MAP1B: variants seen among roughly 807,000 people sequenced by gnomAD.
The protein encoded by MAP1B is microtubule-associated protein 1B.
Under a neutral mutation model 176.1 loss-of-function variants are expected in MAP1B, and 12 were observed. The ratio of observed to expected loss-of-function variants is 0.07; its 90% CI spans 0.04 to 0.11. The LOEUF (loss-of-function observed/expected upper bound fraction) is 0.11, where lower values mean the gene tolerates loss of function less well. Among genes scored for constraint, MAP1B ranks in the 10% least tolerant of loss-of-function variants. The pLI is 1.00. For synonymous variants in MAP1B, 1,044 were observed against 1,135.0 expected (o/e 0.92, Z 1.61); for missense variants, 2,523 against 2,990.5 (o/e 0.84, Z 3.65).
intron 1 of MAP1B, among the ~76,000 whole-genome samples, chr5:72,109,048 A>T (rs1745244974): frequency 6.6e-6 from 1 of 151,402 alleles, no homozygotes; most frequent in East Asian, 1.9e-4. Flanking sequence ...CTCGTTCCCC[A>T]CTCCCCCTCC....
chr5:72,125,346 GA>G (rs1745608556), intron 2 of MAP1B, among the ~76,000 whole-genome samples: 1 of 152,190 alleles, frequency 6.6e-6, no homozygotes, highest in Non-Finnish European at 1.5e-5. Context: ...ATACATGAGA[GA>G]AAGAGAGAGA....
chr5:72,110,887 T>A (rs1339249306), intron 1 of MAP1B, among the ~76,000 whole-genome samples: 1 of 152,186 alleles, frequency 6.6e-6, no homozygotes, highest in Non-Finnish European at 1.5e-5. Flanking sequence ...CCAATGTGGA[T>A]GCTTCGTAAA....
intron 2 of MAP1B, chr5:72,180,003 A>G (rs1746732634): frequency 1.1e-6 from 1 of 874,332 alleles, no homozygotes. Flanking sequence ...GGCTCCTGCC[A>G]GGGGCCACCT....
intron 4 of MAP1B, among the ~76,000 whole-genome samples, chr5:72,188,027 A>G (rs1433901038): frequency 6.6e-6 from 1 of 152,072 alleles, no homozygotes; most frequent in East Asian, 1.9e-4. Context: ...TTCAAAATGC[A>G]AGCTTTGGCT....
chr5:72,190,253 C>T (rs552680871), intron 4 of MAP1B, among the ~76,000 whole-genome samples: 1 of 152,058 alleles, frequency 6.6e-6, no homozygotes, highest in East Asian at 1.9e-4. Flanking sequence ...TTGAGGGGCT[C>T]GACAATTTAT....
At chr5:72,108,571 G>T (rs143498338) in intron 1 of MAP1B, among the ~76,000 whole-genome samples, 1 of 152,198 alleles carries the variant, frequency 6.6e-6, no homozygotes, top group African/African-American at 2.4e-5. Context: ...GGTACGCCGG[G>T]GACCCTGGGC....
intron 1 of MAP1B, among the ~76,000 whole-genome samples, chr5:72,113,493 A>C (rs192644574): frequency 3.2e-4 from 48 of 152,370 alleles, no homozygotes; most frequent in Admixed American, 2.9e-3. Context: ...TGAAAATATA[A>C]AGCAAACATT....
chr5:72,154,852 C>G (rs1437176949), intron 2 of MAP1B, among the ~76,000 whole-genome samples: 2 of 152,202 alleles, frequency 1.3e-5, no homozygotes, highest in Non-Finnish European at 2.9e-5. Flanking sequence ...TTAATCTCTG[C>G]ACTTCTTCAG....
At chr5:72,166,077 C>T (rs1746422381) in intron 2 of MAP1B, among the ~76,000 whole-genome samples, 3 of 152,188 alleles carry the variant, frequency 2.0e-5, no homozygotes, top group Non-Finnish European at 2.9e-5. Context: ...GGACTTAAAC[C>T]CAGGTCTTCT....
chr5:72,179,570 G>A, intron 2 of MAP1B: 6 of 970,546 alleles, frequency 6.2e-6, no homozygotes, highest in Non-Finnish European at 7.4e-6. Flanking sequence ...AGGAAAGCTG[G>A]CACCCACGGG....
Position 72,196,952 on chromosome 5 carries a change from T to C in MAP1B, c.3597T>C (p.Asp1199=), listed in dbSNP as rs374296149. 1.5e-5 allele frequency: 24 copies of C among 1,614,102 alleles called. No individual in the cohort carries two copies. The highest frequency in any genetic ancestry group is 1.6e-4 in the Middle Eastern group (1 of 6,084). ...GSKTDATDGK[D]YNASASTISP... ...AAACAGATGCCACTGATGGCAAGGA[T>C]TACAATGCTTCAGCCTCTACCATAT... The change falls in exon 5 of 7, where the codon GAT becomes GAC. Residue 1199 remains aspartate (D), a synonymous_variant. Coordinates refer to ENST00000296755, the MANE Select transcript of MAP1B (RefSeq NM_005909.5). This position sits in a 1 kb window ranked among gnomAD's most constrained non-coding sequence, Gnocchi z 5.3.
intron 2 of MAP1B, among the ~76,000 whole-genome samples, chr5:72,130,698 C>A (rs1213855032): frequency 6.6e-6 from 1 of 152,116 alleles, no homozygotes; most frequent in African/African-American, 2.4e-5. Context: ...AGGAATGGAA[C>A]CGGGGGCAGA....
In MAP1B at chr5:72,151,012, G is replaced by A. The variant is rs1746129878; in HGVS notation, c.287-32731G>A. ...TGGTCCATTTTGTGTTGCTATAAAG[G>A]AATACCTGAGGCTGGATTGTTTATG... On this transcript the variant is annotated intron_variant, in intron 2 of 6. Coordinates refer to ENST00000296755, the MANE Select transcript of MAP1B (RefSeq NM_005909.5). Among the ~76,000 whole-genome samples, 4 of 150,300 alleles carry A rather than the reference G, an allele frequency of 2.7e-5. No homozygotes were observed. In the South Asian group the frequency reaches 8.5e-4, roughly 32 times the overall value.
chr5:72,197,518 A>T lies in MAP1B; in HGVS notation c.4163A>T (p.Glu1388Val). The T allele has an allele frequency of 6.2e-7, 1 of 1,614,192 alleles. No homozygotes were observed. The highest frequency in any genetic ancestry group is 1.3e-5 in the African/African-American group (1 of 75,036). Residue 1388 changes from glutamate (E) to valine (V), a missense_variant, in exon 5 of 7, where the codon GAG (glutamate) becomes GTG (valine). By Grantham distance (121) the Glu-to-Val change is moderately radical (BLOSUM62 -2). Coordinates refer to ENST00000296755, the MANE Select transcript of MAP1B (RefSeq NM_005909.5). ...SPMDEPVPDS[E>V]SPIEKVLSPL... ...ATGGATGAGCCCGTGCCTGACTCAG[A>T]GTCTCCTATTGAAAAAGTTTTGTCT... is the stretch of plus-strand genomic sequence containing the variant.
In MAP1B at chr5:72,107,485, G is replaced by A. The variant is rs1411898912; in HGVS notation, c.-47G>A. The A allele has an allele frequency of 1.1e-5, 16 of 1,486,646 alleles. No individual in the cohort carries two copies. The highest frequency in any genetic ancestry group is 1.4e-5 in the Non-Finnish European group (15 of 1,110,042). The allele number at this position is 1,486,646 out of a possible 1,614,324, so 92.1% of individuals were successfully genotyped here. A position where few individuals can be genotyped will look rare whatever the true frequency, so the allele number is the denominator to read the frequency against. ...ATCCTTTCTCCTGCCGCAGTGGAGA[G>A]GAGCGGCCGGAGCGAGACACTTCGC... On this transcript the variant is annotated 5_prime_UTR_variant, in exon 1 of 7. Coordinates refer to ENST00000296755, the MANE Select transcript of MAP1B (RefSeq NM_005909.5).
intron 2 of MAP1B, among the ~76,000 whole-genome samples, chr5:72,173,610 G>A (rs1237116437): frequency 6.6e-6 from 1 of 152,108 alleles, no homozygotes; most frequent in African/African-American, 2.4e-5. Context: ...ACCTAATACT[G>A]CACAGGGCAC....
chr5:72,195,983 C>T lies in MAP1B; in HGVS notation c.2628C>T (p.Tyr876=), dbSNP rs78110997. The part of the protein sequence containing the change: ...KLKETEPVEA[Y]VIQKEREVTK... ...AGGAAACTGAGCCAGTCGAAGCCTA[C>T]GTCATCCAGAAGGAGAGAGAAGTCA... is the stretch of plus-strand genomic sequence containing the variant. The change falls in exon 5 of 7, where the codon TAC becomes TAT. Residue 876 remains tyrosine (Y), a synonymous_variant. Transcript: ENST00000296755. The T allele has an allele frequency of 5.6e-4, 908 of 1,614,186 alleles. 7 individuals carry two copies. In the African/African-American group the frequency reaches 0.01, roughly 18 times the overall value.
intron 1 of MAP1B, 135 bp from the exon 2 acceptor site, chr5:72,115,563 T>TA: frequency 1.6e-6 from 1 of 642,966 alleles, no homozygotes. Context: ...CATCCACTGC[T>TA]AAGCCACCAA....
At chr5:72,179,825 A>G (rs1746729744) in intron 2 of MAP1B, 1 of 985,332 alleles carries the variant, frequency 1.0e-6, no homozygotes, top group Non-Finnish European at 1.2e-6. Flanking sequence ...TCCTCTCAAT[A>G]TTTCCAAAGA....
Sources: allele counts gnomAD v4.1 joint callset (sites outside exome capture counted in the v4.1 genomes callset), GRCh38; gene constraint gnomAD v4.1.1; non-coding constraint Gnocchi (gnomAD v3.1); transcripts MANE v1.5; gene names NCBI Gene and HGNC (gene_info 2026-07-23, HGNC 2026-07-21).